The following TIAM2 variants were observed in gnomAD, a reference collection of about 807,000 sequenced individuals.
TIAM2 encodes TIAM Rac1 associated GEF 2, also known as rho guanine nucleotide exchange factor TIAM2.
In TIAM2, 80 loss-of-function variants were observed where a neutral mutation model predicts 152.9. The ratio of observed to expected loss-of-function variants is 0.52; its 90% CI spans 0.44 to 0.63. The LOEUF (loss-of-function observed/expected upper bound fraction) is 0.63. TIAM2 is among the 30% of genes least tolerant of loss of function. TIAM2 has a pLI of 0.00. For synonymous variants in TIAM2, 804 were observed against 838.0 expected, an observed-to-expected ratio of 0.96 and a Z score of 0.70; for missense variants, 1,965 against 2,120.1, an observed-to-expected ratio of 0.93 and a Z score of 1.44.
rs1780757805 is a variant in TIAM2 at position 155,176,359 on chromosome 6, A to G, written c.2362-457A>G. Among the ~76,000 whole-genome samples, 3 of 152,160 alleles carry G rather than the reference A, an allele frequency of 2.0e-5. No homozygotes were observed. The South Asian group carries it at 6.2e-4, about 32-fold the overall frequency. ...AGCGATTCTTCTGCCTCAGCTTCCCAAGTAGCTGGGACTACAGGCGCACGT... is the reference window on the plus strand; with the variant it reads ...AGCGATTCTTCTGCCTCAGCTTCCCGAGTAGCTGGGACTACAGGCGCACGT... On this transcript the variant is annotated intron_variant, in intron 9 of 26. Coordinates refer to ENST00000682666, the MANE Select transcript of TIAM2 (RefSeq NM_012454.4).
intron 1 of TIAM2, among the ~76,000 whole-genome samples, chr6:155,085,537 A>C (rs1266835044): frequency 1.3e-5 from 2 of 151,930 alleles, no homozygotes; most frequent in African/African-American, 4.8e-5. Flanking sequence ...TTGACTAATC[A>C]TGTAGTATTT....
Position 155,193,090 on chromosome 6 carries a change from C to T in TIAM2, c.3064+9590C>T, listed in dbSNP as rs1781249714. On this transcript the variant is annotated intron_variant, in intron 14 of 26. Coordinates refer to ENST00000682666, the MANE Select transcript of TIAM2 (RefSeq NM_012454.4). ...GTTATGTAGATCTTCCAAATGTGGA[C>T]ATTTCATTTCACAGTATTAAAAATT... 4.6e-5 allele frequency among the ~76,000 whole-genome samples: 7 copies of T among 152,094 alleles called. No homozygotes were observed. In the South Asian group the frequency reaches 1.5e-3, roughly 32 times the overall value.
At chr6:155,138,238 A>T (rs923573712) in intron 5 of TIAM2, among the ~76,000 whole-genome samples, 1 of 152,190 alleles carries the variant, frequency 6.6e-6, no homozygotes, top group African/African-American at 2.4e-5. Context: ...TTGGAGAAAA[A>T]AAAGTCAGTA....
chr6:155,005,045 C>A, intron 1 of TIAM2: 1 of 515,772 alleles, frequency 1.9e-6, no homozygotes, highest in Non-Finnish European at 3.1e-6. Context: ...CCATGATGAG[C>A]CAGTGGATGG....
chr6:155,220,959 C>T (rs1419721804), intron 15 of TIAM2, among the ~76,000 whole-genome samples: 1 of 151,988 alleles, frequency 6.6e-6, no homozygotes, highest in East Asian at 1.9e-4. Flanking sequence ...ATGTTCCCCT[C>T]CCTGTGTCCA....
intron 1 of TIAM2, among the ~76,000 whole-genome samples, chr6:155,087,058 C>T (rs1017728660): frequency 1.3e-5 from 2 of 151,994 alleles, no homozygotes; most frequent in Non-Finnish European, 2.9e-5. Flanking sequence ...AAGGAGGGAG[C>T]AATAACCCTG....
chr6:155,215,377 A>C (rs537081689), intron 15 of TIAM2, among the ~76,000 whole-genome samples: 26 of 152,354 alleles, frequency 1.7e-4, no homozygotes, highest in Non-Finnish European at 2.8e-4. Flanking sequence ...GAAAGGAGAA[A>C]GCAAATAATA....
intron 2 of TIAM2, among the ~76,000 whole-genome samples, chr6:155,111,681 A>T (rs1778854634): frequency 6.6e-6 from 1 of 152,022 alleles, no homozygotes. Flanking sequence ...TCTCCCTTTG[A>T]CCCATTCTAG....
At chr6:155,253,104 A>G (rs868475326) in intron 24 of TIAM2, 51 bp downstream of exon 24, 1 of 1,452,516 alleles carries the variant, frequency 6.9e-7, no homozygotes, top group Non-Finnish European at 9.6e-7. Context: ...AGTAGACTTA[A>G]CTGTGGAATG....
At chr6:155,117,147 C>T (rs1456596042) in intron 2 of TIAM2, among the ~76,000 whole-genome samples, 1 of 143,246 alleles carries the variant, frequency 7.0e-6, no homozygotes, top group Non-Finnish European at 1.6e-5. Flanking sequence ...AATATTTCGT[C>T]TTATCCAGGA....
Position 155,218,782 on chromosome 6 carries a change from G to A in TIAM2, c.3168+7475G>A, listed in dbSNP as rs988393042. ...AATAAAATGCTGTTGAAAGTAAGAC[G>A]TGCATGCTTTGACCATCTCAGCTGC... On this transcript the variant is annotated intron_variant, in intron 15 of 26. Coordinates refer to ENST00000682666, the MANE Select transcript of TIAM2 (RefSeq NM_012454.4). The surrounding 1 kb of genome is among the most constrained non-coding windows in gnomAD (Gnocchi z 4.5). 3.3e-5 allele frequency among the ~76,000 whole-genome samples: 5 copies of A among 152,080 alleles called. No individual in the cohort carries two copies. The highest frequency in any genetic ancestry group is 2.1e-4 in the South Asian group (1 of 4,820).
At chr6:155,204,322 C>T (rs760414971) in intron 14 of TIAM2, among the ~76,000 whole-genome samples, 5 of 152,012 alleles carry the variant, frequency 3.3e-5, no homozygotes, top group Non-Finnish European at 5.9e-5. Flanking sequence ...AATCATGTCC[C>T]TGATGGTCAT....
At chr6:155,050,953 T>C (rs1220302253) in intron 1 of TIAM2, among the ~76,000 whole-genome samples, 3 of 152,060 alleles carry the variant, frequency 2.0e-5, no homozygotes, top group Non-Finnish European at 2.9e-5. Context: ...TCTCAAGATG[T>C]AACAGAATTT....
In TIAM2 at chr6:155,129,375, A is replaced by G. The variant is rs530748037; in HGVS notation, c.152A>G (p.Asn51Ser). The G allele has an allele frequency of 3.0e-5, 49 of 1,614,156 alleles. No homozygotes were observed. The African/African-American group carries it at 3.1e-4, about 10-fold the overall frequency. Residue 51 changes from asparagine to serine, a missense_variant, in exon 4 of 27, where the codon AAC becomes AGC. Physicochemically the swap from Asn to Ser is conservative, Grantham distance 46 (BLOSUM62 1). This residue lies in a region of TIAM2 where 1,025 missense variants were observed against 1,119.4 expected (regional missense o/e 0.92). Transcript: ENST00000682666. This position sits in a 1 kb window ranked among gnomAD's most constrained non-coding sequence, Gnocchi z 4.8. The part of the protein sequence containing the change: ...KSLHGWGHGS[N>S]GAGYKSRSLA... ...TTGCATGGATGGGGTCACGGAAGCA[A>G]CGGAGCAGGTTACAAGTCCAGGTCC...
intron 14 of TIAM2, among the ~76,000 whole-genome samples, chr6:155,206,102 G>A (rs1204218657): frequency 2.6e-5 from 4 of 152,192 alleles, no homozygotes; most frequent in African/African-American, 4.8e-5. Flanking sequence ...GCACAGTTCA[G>A]GAGGAAGCTG....
At chr6:155,036,576 G>A (rs936265949) in intron 1 of TIAM2, among the ~76,000 whole-genome samples, 3 of 140,958 alleles carry the variant, frequency 2.1e-5, no homozygotes, top group Non-Finnish European at 4.6e-5. Flanking sequence ...CTAAAGTTTG[G>A]AGAAATTATT....
At chr6:155,048,566 A>T (rs200494488) in intron 1 of TIAM2, among the ~76,000 whole-genome samples, 3 of 46,512 alleles carry the variant, frequency 6.4e-5, no homozygotes, top group Admixed American at 2.2e-4. Context: ...AATGGGGGTC[A>T]GGGGTGTCCT....
At chr6:155,057,407 T>G (rs1172200440) in intron 1 of TIAM2, among the ~76,000 whole-genome samples, 1 of 152,080 alleles carries the variant, frequency 6.6e-6, no homozygotes, top group South Asian at 2.1e-4. Flanking sequence ...GTGCCATTGT[T>G]ATCACGTGAT....
At chr6:155,232,269 T>G (rs1238630483) in intron 15 of TIAM2, among the ~76,000 whole-genome samples, 1 of 98,958 alleles carries the variant, frequency 1.0e-5, no homozygotes, top group Non-Finnish European at 1.8e-5. Context: ...ATTTTTAGTG[T>G]TTTTTTTTTC....
Sources: gnomAD v4.1 joint callset for allele counts (sites outside exome capture counted in the v4.1 genomes callset) on GRCh38, gnomAD v4.1.1 for gene constraint, gnomAD v4.1.1 regional missense constraint, Gnocchi (gnomAD v3.1) non-coding constraint, MANE v1.5 for transcripts, NCBI Gene and HGNC (gene_info 2026-07-23, HGNC 2026-07-21) for gene names.